Variants in CNBD1 observed in about 807,000 individuals in gnomAD.
The protein encoded by CNBD1 is cyclic nucleotide-binding domain-containing protein 1.
A neutral mutation model predicts 54.4 loss-of-function variants in CNBD1; 71 were observed. The ratio of observed to expected loss-of-function variants is 1.30; its 90% CI spans 1.08 to 1.59. The LOEUF (loss-of-function observed/expected upper bound fraction) is 1.59. Among genes scored for constraint, CNBD1 ranks in the 40% most tolerant of loss-of-function variants. The probability of loss-of-function intolerance (pLI) is 0.00; values close to 1 mark genes in which losing one functional copy is unlikely to be tolerated. For missense variants in CNBD1, 659 were observed against 518.0 expected, an observed-to-expected ratio of 1.27 and a Z score of -2.64; for synonymous variants, 182 against 170.7, an observed-to-expected ratio of 1.07 and a Z score of -0.51.
chr8:86,963,967 G>A (rs1808005282), intron 4 of CNBD1, among the ~76,000 whole-genome samples: 1 of 152,260 alleles, frequency 6.6e-6, no homozygotes. Flanking sequence ...TGCATTGTGA[G>A]GACTCTGAGG....
At chr8:87,113,663 T>C (rs995745351) in intron 4 of CNBD1, among the ~76,000 whole-genome samples, 1 of 152,216 alleles carries the variant, frequency 6.6e-6, no homozygotes, top group African/African-American at 2.4e-5. Flanking sequence ...CTCACGCCTG[T>C]AATCCCAGCA....
chr8:87,368,573 G>T (rs907691422), intron 10 of CNBD1, among the ~76,000 whole-genome samples: 1 of 151,828 alleles, frequency 6.6e-6, no homozygotes, highest in South Asian at 2.1e-4. Flanking sequence ...GGAGTTTGAG[G>T]CTGCAGTGAG....
chr8:87,293,351 C>G (rs1257859711), intron 8 of CNBD1, among the ~76,000 whole-genome samples: 1 of 152,012 alleles, frequency 6.6e-6, no homozygotes, highest in African/African-American at 2.4e-5. Context: ...CAAGACCAGC[C>G]TGGACAACAT....
chr8:86,878,647 C>G (rs967006969), intron 1 of CNBD1, among the ~76,000 whole-genome samples: 1 of 151,738 alleles, frequency 6.6e-6, no homozygotes, highest in African/African-American at 2.4e-5. Context: ...GTCACTGGTT[C>G]AAGGATATCC....
chr8:87,268,075 A>C (rs540620868), intron 6 of CNBD1, among the ~76,000 whole-genome samples: 14 of 152,220 alleles, frequency 9.2e-5, no homozygotes, highest in African/African-American at 2.6e-4. Context: ...AGCACAGTAC[A>C]CAACAGGTAG....
At chr8:86,958,248 A>G (rs1234255994) in intron 4 of CNBD1, among the ~76,000 whole-genome samples, 1 of 152,190 alleles carries the variant, frequency 6.6e-6, no homozygotes, top group Non-Finnish European at 1.5e-5. Context: ...TTTACTTCCT[A>G]CTATGTGGTC....
intron 10 of CNBD1, among the ~76,000 whole-genome samples, chr8:87,371,409 A>C (rs1158491613): frequency 6.6e-6 from 1 of 152,030 alleles, no homozygotes; most frequent in East Asian, 1.9e-4. Flanking sequence ...TTCATTGAGC[A>C]GTGGTTTGTA....
intron 6 of CNBD1, among the ~76,000 whole-genome samples, chr8:87,256,565 T>C (rs1362056687): frequency 6.6e-6 from 1 of 151,800 alleles, no homozygotes; most frequent in Non-Finnish European, 1.5e-5. Flanking sequence ...CAGTAGTTTA[T>C]TTCTTCTTCA....
intron 6 of CNBD1, among the ~76,000 whole-genome samples, chr8:87,258,421 T>G (rs1202247770): frequency 7.3e-6 from 1 of 136,406 alleles, no homozygotes; most frequent in Non-Finnish European, 1.6e-5. Flanking sequence ...TTTCTTTTTT[T>G]TATTTCTTTT....
chr8:87,394,757 A>G (rs931244497), intron 2 of CNBD1, among the ~76,000 whole-genome samples: 1 of 151,952 alleles, frequency 6.6e-6, no homozygotes, highest in Non-Finnish European at 1.5e-5. Context: ...TTTTAAGTTT[A>G]AGATAATTAA....
At chr8:87,361,555 T>C (rs947250517) in intron 10 of CNBD1, among the ~76,000 whole-genome samples, 2 of 151,796 alleles carry the variant, frequency 1.3e-5, no homozygotes, top group African/African-American at 2.4e-5. Flanking sequence ...TATATAGTTT[T>C]AGGAAGGGAA....
chr8:87,421,408 A>C, intron 2 of CNBD1, among the ~76,000 whole-genome samples: 1 of 140,050 alleles, frequency 7.1e-6, no homozygotes, highest in Non-Finnish European at 1.6e-5. Flanking sequence ...ATATCTCCCA[A>C]TGCTCTCCCT....
chr8:87,017,192 G>A (rs1240528448), intron 4 of CNBD1, among the ~76,000 whole-genome samples: 1 of 152,074 alleles, frequency 6.6e-6, no homozygotes, highest in Non-Finnish European at 1.5e-5. Flanking sequence ...CAGGTTAATA[G>A]AATTATAAAA....
At position 87,236,979 on chromosome 8, in the gene CNBD1, TG is replaced by T; in HGVS notation, c.639del (p.Tyr214IlefsTer4). On this transcript the variant is annotated frameshift_variant, in exon 6 of 11. Transcript: ENST00000518476. LOFTEE classifies it high-confidence loss of function. ...GGCCTAGCTCGACCTCAAACAAACG[TG>T]TATAAAAATCTGATTGAAGGAAGTG... ...LKGLARPQTN[V>X]YKNLIEGSDS... 3 of 1,612,614 alleles carry T rather than the reference TG, an allele frequency of 1.9e-6. No individual in the cohort carries two copies. Among genetic ancestry groups the T allele is most frequent in the Non-Finnish European group, 2.5e-6 (3 of 1,178,966 alleles).
chr8:87,270,390 A>T (rs1808337629), intron 6 of CNBD1, among the ~76,000 whole-genome samples: 1 of 152,092 alleles, frequency 6.6e-6, no homozygotes, highest in Non-Finnish European at 1.5e-5. Flanking sequence ...CATTAGAGAA[A>T]TGCAGATCAA....
At chr8:87,073,329 A>G (rs539904220) in intron 4 of CNBD1, among the ~76,000 whole-genome samples, 2 of 152,078 alleles carry the variant, frequency 1.3e-5, no homozygotes, top group South Asian at 2.1e-4. Context: ...GCCTCAGCCC[A>G]CTTCTGTGCC....
chr8:87,387,783 C>T (rs940294465), downstream of CNBD1, among the ~76,000 whole-genome samples: 2 of 152,202 alleles, frequency 1.3e-5, no homozygotes, highest in African/African-American at 4.8e-5. Flanking sequence ...AACTCTCCAT[C>T]CCAAATCAGC....
chr8:86,999,464 C>A (rs987682412), intron 4 of CNBD1, among the ~76,000 whole-genome samples: 10 of 152,040 alleles, frequency 6.6e-5, no homozygotes, highest in Non-Finnish European at 1.2e-4. Flanking sequence ...ATTTTCCTAC[C>A]TTGCCCATCC....
chr8:86,913,183 T>C (rs948239595), intron 3 of CNBD1, among the ~76,000 whole-genome samples: 5 of 152,136 alleles, frequency 3.3e-5, no homozygotes, highest in African/African-American at 1.2e-4. Context: ...GTAGCCTAAG[T>C]GTACAGTGTT....
Sources: allele counts gnomAD v4.1 joint callset (sites outside exome capture counted in the v4.1 genomes callset), GRCh38; gene constraint gnomAD v4.1.1; transcripts MANE v1.5; gene names NCBI Gene and HGNC (gene_info 2026-07-23, HGNC 2026-07-21).